The following SLC13A3 variants were observed in gnomAD, a reference collection of about 807,000 sequenced individuals.
The protein encoded by SLC13A3 is solute carrier family 13 member 3, also known as Na(+)/dicarboxylate cotransporter 3.
A neutral mutation model predicts 59.0 loss-of-function variants in SLC13A3; 40 were observed. That is an observed-to-expected ratio of 0.68 (90% CI 0.53 to 0.88). SLC13A3 has a LOEUF of 0.88. Among genes scored for constraint, SLC13A3 ranks in the 40% least tolerant of loss-of-function variants. The pLI is 0.00. For missense variants in SLC13A3, 699 were observed against 783.2 expected (o/e 0.89, Z 1.28); for synonymous variants, 317 against 330.3 (o/e 0.96, Z 0.44).
chr20:46,570,279 C>T (rs1265212475), intron 10 of SLC13A3, among the ~76,000 whole-genome samples: 4 of 152,248 alleles, frequency 2.6e-5, no homozygotes, highest in Non-Finnish European at 5.9e-5. Flanking sequence ...AGTGCTTACT[C>T]TGTGCTGGGC....
intron 1 of SLC13A3, among the ~76,000 whole-genome samples, chr20:46,625,633 T>A (rs2062660919): frequency 6.6e-6 from 1 of 152,316 alleles, no homozygotes; most frequent in Non-Finnish European, 1.5e-5. Context: ...TCCCACATCC[T>A]CTCCAAAACA....
At chr20:46,647,315 T>C (rs1350012438) in intron 1 of SLC13A3, among the ~76,000 whole-genome samples, 1 of 152,042 alleles carries the variant, frequency 6.6e-6, no homozygotes, top group Admixed American at 6.6e-5. Flanking sequence ...GGACAGGTGG[T>C]CAGTATCATT....
At chr20:46,582,580 G>A in intron 9 of SLC13A3, 1 of 957,732 alleles carries the variant, frequency 1.0e-6, no homozygotes, top group East Asian at 1.2e-4. Flanking sequence ...CCCAGCCTGG[G>A]TGACAGAGTG....
chr20:46,654,625 G>GT (rs2062971713), upstream of SLC13A3, among the ~76,000 whole-genome samples: 1 of 152,080 alleles, frequency 6.6e-6, no homozygotes, highest in Non-Finnish European at 1.5e-5. Flanking sequence ...CGCCTTCCAG[G>GT]TTCAAGTGAT....
chr20:46,604,489 G>T (rs541358564), intron 3 of SLC13A3, among the ~76,000 whole-genome samples: 1 of 152,102 alleles, frequency 6.6e-6, no homozygotes, highest in Non-Finnish European at 1.5e-5. Flanking sequence ...TTTTACATGG[G>T]ATTTTCCTTC....
chr20:46,636,886 C>T (rs1015642704), intron 1 of SLC13A3, among the ~76,000 whole-genome samples: 3 of 151,826 alleles, frequency 2.0e-5, no homozygotes, highest in African/African-American at 4.8e-5. Flanking sequence ...CTGCAGCCTC[C>T]GCCTCCTGGG....
Position 46,610,603 on chromosome 20 carries a change from G to A in SLC13A3, c.384C>T (p.Ile128=), listed in dbSNP as rs1042232332. 3.7e-6 allele frequency: 6 copies of A among 1,612,782 alleles called. No individual in the cohort carries two copies. In the African/African-American group the frequency reaches 6.7e-5, roughly 18 times the overall value. The change falls in exon 3 of 13, where the codon ATC becomes ATT. Residue 128 remains isoleucine (I), a synonymous_variant. Transcript: ENST00000279027. ...MLVGVQPARL[I]LGMMVTTSFL... ...ACGAGGTGGTCACCATCATCCCCAG[G>A]ATGAGCCTGCAGAGCAGATGGCATT...
chr20:46,613,072 GGTTAA>G (rs1364401782), intron 2 of SLC13A3, among the ~76,000 whole-genome samples: 1 of 151,768 alleles, frequency 6.6e-6, no homozygotes, highest in Non-Finnish European at 1.5e-5. Flanking sequence ...GGCAGACAGA[GGTTAA>G]GTTATTTTTC....
At chr20:46,628,411 C>T (rs2062699957) in intron 1 of SLC13A3, among the ~76,000 whole-genome samples, 1 of 152,174 alleles carries the variant, frequency 6.6e-6, no homozygotes, top group Non-Finnish European at 1.5e-5. Context: ...ACTCCCTCTG[C>T]CGTCAGAAGC....
intron 1 of SLC13A3, among the ~76,000 whole-genome samples, chr20:46,618,624 C>T (rs1233746989): frequency 6.6e-6 from 1 of 152,236 alleles, no homozygotes; most frequent in Non-Finnish European, 1.5e-5. Flanking sequence ...AGCAATAAGG[C>T]ACTGTCTTTG....
intron 4 of SLC13A3, among the ~76,000 whole-genome samples, chr20:46,598,183 A>G (rs193279424): frequency 6.6e-6 from 1 of 152,306 alleles, no homozygotes; most frequent in East Asian, 1.9e-4. Flanking sequence ...GAATCACTAC[A>G]TAAGGGACTC....
chr20:46,568,377 G>C (rs529004406), intron 10 of SLC13A3, among the ~76,000 whole-genome samples: 1 of 117,532 alleles, frequency 8.5e-6, no homozygotes, highest in South Asian at 2.9e-4. Context: ...CAGTCTGGGT[G>C]ACAGAGAGAG....
chr20:46,666,627 C>A (rs1467598677), intron 1 of SLC13A3, among the ~76,000 whole-genome samples: 1 of 152,022 alleles, frequency 6.6e-6, no homozygotes, highest in Admixed American at 6.6e-5. Flanking sequence ...CTTCAGCATC[C>A]TGAGTAGCTG....
At chr20:46,589,313 C>T (rs1296728312) in intron 6 of SLC13A3, 58 bp from the exon 7 acceptor site, 2 of 1,439,650 alleles carry the variant, frequency 1.4e-6, no homozygotes, top group Non-Finnish European at 1.9e-6. Flanking sequence ...AACTTCTCAC[C>T]TACAACAAGC....
chr20:46,673,909 G>T (rs2063107011), upstream of SLC13A3: 1 of 152,214 alleles, frequency 6.6e-6, no homozygotes, highest in Non-Finnish European at 1.5e-5. Flanking sequence ...AGCACCTATT[G>T]TATACCAGGC....
At chr20:46,620,684 A>T (rs1248071932) in intron 1 of SLC13A3, among the ~76,000 whole-genome samples, 7 of 152,326 alleles carry the variant, frequency 4.6e-5, no homozygotes, top group Middle Eastern at 3.4e-3. Flanking sequence ...GGAAAAAAAA[A>T]TTCATCTTGT....
chr20:46,601,941 G>A (rs73908938), intron 3 of SLC13A3, among the ~76,000 whole-genome samples: 3,498 of 152,234 alleles, frequency 0.023, 113 homozygotes, highest in African/African-American at 0.079. Flanking sequence ...GGATCTCAGA[G>A]CTCACAGGAA....
chr20:46,597,873 G>A (rs1161977643), intron 4 of SLC13A3, among the ~76,000 whole-genome samples: 1 of 152,168 alleles, frequency 6.6e-6, no homozygotes, highest in African/African-American at 2.4e-5. Context: ...ATATGCAATT[G>A]TAAATTGTTT....
At position 46,575,690 on chromosome 20, in the gene SLC13A3, G is replaced by A. The variant is rs749819396; in HGVS notation, c.1220-5C>T. 3.8e-5 allele frequency: 59 copies of A among 1,559,436 alleles called. No individual in the cohort carries two copies. Among genetic ancestry groups the A allele is most frequent in the Non-Finnish European group, 5.2e-5 (59 of 1,144,552 alleles). On this transcript the variant is annotated splice_polypyrimidine_tract_variant and splice_region_variant and intron_variant, in intron 9 of 12. Coordinates refer to ENST00000279027, the MANE Select transcript of SLC13A3 (RefSeq NM_022829.6). ...GCTCTGTCTCTGTGTTGGGAGCTGG[G>A]CAGAGAGAGGGATTCAGCACACACT... is the stretch of plus-strand genomic sequence containing the variant.
Sources: allele counts gnomAD v4.1 joint callset (sites outside exome capture counted in the v4.1 genomes callset), GRCh38; gene constraint gnomAD v4.1.1; transcripts MANE v1.5; gene names NCBI Gene and HGNC (gene_info 2026-07-23, HGNC 2026-07-21).